ETNK1: variants seen among roughly 807,000 people sequenced by gnomAD.
The protein encoded by ETNK1 is putative protein product of Nbla10396.
ETNK1 carries 8 observed loss-of-function variants against 45.1 expected under a neutral mutation model. The ratio of observed to expected loss-of-function variants is 0.18; its 90% CI spans 0.10 to 0.32. The LOEUF (loss-of-function observed/expected upper bound fraction) is 0.32. Among genes scored for constraint, ETNK1 ranks in the 10% least tolerant of loss-of-function variants. The pLI is 1.00. For missense variants in ETNK1, 302 were observed against 430.6 expected, an observed-to-expected ratio of 0.70 and a Z score of 2.64; for synonymous variants, 152 against 151.9, an observed-to-expected ratio of 1.00 and a Z score of -0.01.
chr12:22,650,733 C>G lies in ETNK1; in HGVS notation c.416+6711C>G, dbSNP rs193073366. Among the ~76,000 whole-genome samples, 1,014 of 151,746 alleles carry G rather than the reference C, an allele frequency of 6.7e-3. 11 individuals carry two copies. The highest frequency in any genetic ancestry group is 0.023 in the African/African-American group (969 of 41,426). ...TAAAAAATAAACATTTAAAAATAAT[C>G]TTTTAAATAAATAGGAAATATAAAA... On this transcript the variant is annotated intron_variant, in intron 2 of 7. Transcript: ENST00000266517.
chr12:22,663,414 A>T (rs530594905), intron 4 of ETNK1, among the ~76,000 whole-genome samples: 1 of 152,154 alleles, frequency 6.6e-6, no homozygotes, highest in African/African-American at 2.4e-5. Context: ...AAACTTTCAT[A>T]TTTTTATTTT....
intron 1 of ETNK1, among the ~76,000 whole-genome samples, chr12:22,639,224 T>G (rs969591646): frequency 1.3e-5 from 2 of 152,294 alleles, no homozygotes; most frequent in African/African-American, 4.8e-5. Context: ...ATTAATTAAT[T>G]TATTTTTTTA....
At chr12:22,641,577 G>A (rs1201092214) in intron 1 of ETNK1, among the ~76,000 whole-genome samples, 5 of 152,050 alleles carry the variant, frequency 3.3e-5, no homozygotes, top group African/African-American at 2.4e-5. Flanking sequence ...GTGCCAGGCC[G>A]TTGTTTTGCT....
chr12:22,648,223 A>G (rs1953831477), intron 2 of ETNK1, among the ~76,000 whole-genome samples: 1 of 151,760 alleles, frequency 6.6e-6, no homozygotes, highest in Admixed American at 6.6e-5. Flanking sequence ...CACCATTATC[A>G]CCCAAAGTCC....
At position 22,662,056 on chromosome 12, in the gene ETNK1, ACCC is replaced by A. The variant is rs60368698; in HGVS notation, c.700+860_700+862del. 7.0e-4 allele frequency among the ~76,000 whole-genome samples: 87 copies of A among 124,520 alleles called. No individual in the cohort carries two copies. In the South Asian group the frequency reaches 7.4e-3, roughly 11 times the overall value. 81.7% of individuals were successfully genotyped at this position (124,520 alleles called of 152,430 possible). On this transcript the variant is annotated intron_variant, in intron 4 of 7. Transcript: ENST00000266517. ...ATTTTATAGGAAACTAGTTCCCCGC[ACCC>A]CCCCCCCCTTTTTTTTTCCTTTTTT...
intron 2 of ETNK1, among the ~76,000 whole-genome samples, chr12:22,648,211 T>C (rs1953831263): frequency 6.6e-6 from 1 of 151,958 alleles, no homozygotes; most frequent in Non-Finnish European, 1.5e-5. Flanking sequence ...CCTATATTGA[T>C]GCACCATTAT....
At chr12:22,652,872 T>G (rs1022680134) in intron 2 of ETNK1, among the ~76,000 whole-genome samples, 1 of 152,186 alleles carries the variant, frequency 6.6e-6, no homozygotes, top group African/African-American at 2.4e-5. Flanking sequence ...TTTTGTTGCC[T>G]GTGCTTTTGG....
chr12:22,625,252 G>A lies in ETNK1; in HGVS notation c.-179G>A. The A allele has an allele frequency of 6.2e-7, 1 of 1,611,694 alleles. No homozygotes were observed. Among genetic ancestry groups the A allele is most frequent in the Non-Finnish European group, 8.5e-7 (1 of 1,179,530 alleles). On this transcript the variant is annotated 5_prime_UTR_variant, in exon 1 of 8. Coordinates refer to ENST00000266517, the MANE Select transcript of ETNK1 (RefSeq NM_018638.5). ...CTCAGTTCAGCTGCTGTCCAGACCC[G>A]GATCGGCAACAGTGCCGCCTCCAGA...
chr12:22,632,849 A>G (rs1211714852), intron 1 of ETNK1, among the ~76,000 whole-genome samples: 1 of 152,124 alleles, frequency 6.6e-6, no homozygotes, highest in Non-Finnish European at 1.5e-5. Context: ...ATCATATGAA[A>G]TATGTGTTTT....
intron 4 of ETNK1, among the ~76,000 whole-genome samples, chr12:22,670,924 TTA>T (rs1267497492): frequency 6.6e-6 from 1 of 152,244 alleles, no homozygotes; most frequent in East Asian, 1.9e-4. Flanking sequence ...AAGATAAAAA[TTA>T]TGTTTCTAAT....
At chr12:22,629,885 T>C (rs1953553004) in intron 1 of ETNK1, among the ~76,000 whole-genome samples, 1 of 152,220 alleles carries the variant, frequency 6.6e-6, no homozygotes, top group African/African-American at 2.4e-5. Flanking sequence ...CTGTTTCCTA[T>C]TCCCTCCCTG....
chr12:22,660,695 CTATT>C (rs377117539), intron 3 of ETNK1, among the ~76,000 whole-genome samples: 141 of 152,086 alleles, frequency 9.3e-4, no homozygotes, highest in Non-Finnish European at 1.7e-3. Flanking sequence ...ACTTAAACCT[CTATT>C]TATTAAATGC....
At chr12:22,659,178 A>T (rs752036724) in intron 3 of ETNK1, 24 bp downstream of exon 3, 2 of 1,600,070 alleles carry the variant, frequency 1.2e-6, no homozygotes, top group African/African-American at 1.3e-5. Flanking sequence ...TACATTTGAA[A>T]TTATGTTTTA....
intron 4 of ETNK1, among the ~76,000 whole-genome samples, chr12:22,666,020 G>A (rs959870546): frequency 6.6e-6 from 1 of 152,070 alleles, no homozygotes; most frequent in African/African-American, 2.4e-5. Flanking sequence ...CATACTATGA[G>A]CACCCTGCAG....
rs1261132895 is a variant in ETNK1 at position 22,685,814 on chromosome 12, T to C, written c.*860T>C. The C allele has an allele frequency of 1.3e-5, 2 of 151,896 alleles. No individual in the cohort carries two copies. The highest frequency in any genetic ancestry group is 3.0e-5 in the Non-Finnish European group (2 of 67,784). 9.4% of individuals were successfully genotyped at this position (151,896 alleles called of 1,614,324 possible). On this transcript the variant is annotated 3_prime_UTR_variant, in exon 8 of 8. Transcript: ENST00000266517. ...TAGAGATGCTTTATGTTTTTGATTA[T>C]TAAATAGTCACTAGTATTGCTAATT...
chr12:22,663,653 A>G (rs1412633807), intron 4 of ETNK1, among the ~76,000 whole-genome samples: 3 of 152,106 alleles, frequency 2.0e-5, no homozygotes, highest in African/African-American at 7.2e-5. Context: ...CAAGGTTGTC[A>G]TTTGTTTTTG....
chr12:22,638,694 T>C (rs1042877711), intron 1 of ETNK1: 2 of 152,230 alleles, frequency 1.3e-5, no homozygotes, highest in Non-Finnish European at 2.9e-5. Context: ...AATTCTCTAA[T>C]AGAAGCTCTA....
intron 2 of ETNK1, among the ~76,000 whole-genome samples, chr12:22,646,564 T>C (rs1953809274): frequency 6.6e-6 from 1 of 151,858 alleles, no homozygotes; most frequent in Non-Finnish European, 1.5e-5. Context: ...TTATGAGCTT[T>C]AATGTTTGAA....
intron 4 of ETNK1, among the ~76,000 whole-genome samples, chr12:22,663,463 C>T (rs1954026964): frequency 6.6e-6 from 1 of 152,044 alleles, no homozygotes; most frequent in South Asian, 2.1e-4. Context: ...CAGAACAAAA[C>T]TTGTTTATAA....
Sources: gnomAD v4.1 joint callset for allele counts (sites outside exome capture counted in the v4.1 genomes callset) on GRCh38, gnomAD v4.1.1 for gene constraint, MANE v1.5 for transcripts, NCBI Gene and HGNC (gene_info 2026-07-23, HGNC 2026-07-21) for gene names.